Variants in INO80 observed in about 807,000 individuals in gnomAD.
INO80 encodes the protein INO80 complex ATPase subunit.
Under a neutral mutation model 203.4 loss-of-function variants are expected in INO80, and 20 were observed. The ratio of observed to expected loss-of-function variants is 0.10; its 90% CI spans 0.07 to 0.14. The LOEUF (loss-of-function observed/expected upper bound fraction) is 0.14, where lower values mean the gene tolerates loss of function less well. INO80 is among the 10% of genes least tolerant of loss of function. INO80 has a pLI of 1.00. For missense variants in INO80, 1,419 were observed against 1,914.4 expected, an observed-to-expected ratio of 0.74 and a Z score of 4.83; for synonymous variants, 726 against 685.2, an observed-to-expected ratio of 1.06 and a Z score of -0.93.
At position 40,998,950 on chromosome 15, in the gene INO80, C is replaced by T. The variant is rs191950483; in HGVS notation, c.3498-1349G>A. Among the ~76,000 whole-genome samples the T allele has an allele frequency of 2.8e-3, 416 of 149,476 alleles. 3 individuals are homozygous for T. The highest frequency in any genetic ancestry group is 0.013 in the South Asian group (61 of 4,694). ...GATTCCAGGCGTGAGCCACTGTGCC[C>T]GGCAGAACAGGCTTTTGACTCTAAG... On this transcript the variant is annotated intron_variant, in intron 28 of 35. Coordinates refer to ENST00000648947, the MANE Select transcript of INO80 (RefSeq NM_017553.3).
intron 27 of INO80, among the ~76,000 whole-genome samples, chr15:41,011,268 A>G (rs1450925067): frequency 2.0e-5 from 3 of 152,228 alleles, no homozygotes; most frequent in African/African-American, 7.2e-5. Flanking sequence ...AGAGTGACTC[A>G]GTTAGAAATA....
chr15:41,107,766 C>T lies in INO80; in HGVS notation c.-44+8207G>A, dbSNP rs539795394. On this transcript the variant is annotated intron_variant, in intron 1 of 35. Transcript: ENST00000648947. Reference sequence around the variant, plus strand: ...AGTGAGCTGAGACCATGCCACTGCACTTCAGCCTGGGCAACAGAGCGAGAC... The same window carrying T: ...AGTGAGCTGAGACCATGCCACTGCATTTCAGCCTGGGCAACAGAGCGAGAC... Among the ~76,000 whole-genome samples, 4 of 152,098 alleles carry T rather than the reference C, an allele frequency of 2.6e-5. No homozygotes were observed. In the South Asian group the frequency reaches 8.3e-4, roughly 32 times the overall value.
chr15:41,078,247 G>C (rs892462533), intron 9 of INO80, among the ~76,000 whole-genome samples: 4 of 152,060 alleles, frequency 2.6e-5, no homozygotes. Context: ...ATGATTAAAT[G>C]AACGAAGTAG....
At chr15:41,038,054 G>A (rs796444343) in intron 24 of INO80, among the ~76,000 whole-genome samples, 28 of 112,006 alleles carry the variant, frequency 2.5e-4, no homozygotes, top group Admixed American at 1.3e-3. Flanking sequence ...TTGCTTTGTC[G>A]TCCAGGCTGG....
At chr15:41,065,106 T>TAAA (rs1217123161) in intron 14 of INO80, among the ~76,000 whole-genome samples, 2 of 152,170 alleles carry the variant, frequency 1.3e-5, no homozygotes, top group Non-Finnish European at 2.9e-5. Flanking sequence ...TCAATAATTT[T>TAAA]AAAAAGTAAA....
At chr15:41,000,694 G>A (rs1471099667) in intron 28 of INO80, among the ~76,000 whole-genome samples, 1 of 132,208 alleles carries the variant, frequency 7.6e-6, no homozygotes, top group Non-Finnish European at 1.6e-5. Context: ...GTGACAGAGT[G>A]GCACCCTGTC....
intron 35 of INO80, 34 bp from the exon 36 acceptor site, chr15:40,980,474 C>T: frequency 1.3e-6 from 2 of 1,531,894 alleles, no homozygotes; most frequent in Non-Finnish European, 1.8e-6. Context: ...AACGTAAGCA[C>T]CAGTCCCGCG....
chr15:40,981,271 C>T (rs985999283), intron 35 of INO80, among the ~76,000 whole-genome samples: 11 of 152,168 alleles, frequency 7.2e-5, no homozygotes. Flanking sequence ...TGCTGCTCTA[C>T]CCCCTCTATC....
intron 24 of INO80, among the ~76,000 whole-genome samples, chr15:41,041,834 C>CTTT (rs35077430): frequency 1.2e-4 from 15 of 123,734 alleles, no homozygotes; most frequent in East Asian, 4.8e-4. Flanking sequence ...GAAAGATTTC[C>CTTT]TTTTTTTTTT....
chr15:41,017,884 A>T (rs988032128), intron 26 of INO80: 1 of 152,184 alleles, frequency 6.6e-6, no homozygotes, highest in Non-Finnish European at 1.5e-5. Flanking sequence ...TGCAGCTGGG[A>T]CAGAATTGAC....
At chr15:41,029,025 T>C (rs1327779167) in intron 24 of INO80, among the ~76,000 whole-genome samples, 15 of 152,224 alleles carry the variant, frequency 9.9e-5, no homozygotes. Flanking sequence ...TGTTATTCGT[T>C]TTATCTTTGG....
intron 24 of INO80, among the ~76,000 whole-genome samples, chr15:41,038,076 A>ATGATCTCAG (rs2044610241): frequency 8.1e-6 from 1 of 123,408 alleles, no homozygotes; most frequent in African/African-American, 3.2e-5. Context: ...GTGCAGTGGC[A>ATGATCTCAG]TGATCTCAGC....
chr15:41,091,751 T>C (rs916657355), intron 5 of INO80, among the ~76,000 whole-genome samples: 1 of 150,624 alleles, frequency 6.6e-6, no homozygotes, highest in Non-Finnish European at 1.5e-5. Context: ...GCCTCTGGGT[T>C]CGAGCAATTC....
chr15:41,018,185 G>A (rs1019504366), intron 26 of INO80: 16 of 151,532 alleles, frequency 1.1e-4, no homozygotes, highest in African/African-American at 3.1e-4. Flanking sequence ...AGCTAAGTTC[G>A]TAAGATTTCT....
At position 41,042,676 on chromosome 15, in the gene INO80, G is replaced by A. The variant is rs140943361; in HGVS notation, c.2907+2228C>T. Among the ~76,000 whole-genome samples, 327 of 150,824 alleles carry A rather than the reference G, an allele frequency of 2.2e-3. 2 individuals carry two copies. Among genetic ancestry groups the A allele is most frequent in the African/African-American group, 7.5e-3 (307 of 41,066 alleles). On this transcript the variant is annotated intron_variant, in intron 24 of 35. Transcript: ENST00000648947. ...TTTAGTAGATGTGGGGTTTCACTAC[G>A]TTGGCCAGGCTGGTCTTGAACTCCT...
chr15:41,012,871 C>T (rs2044152717), intron 27 of INO80, among the ~76,000 whole-genome samples: 1 of 152,048 alleles, frequency 6.6e-6, no homozygotes, highest in Non-Finnish European at 1.5e-5. Context: ...CTGATATATA[C>T]ACAAGAAATT....
At chr15:41,111,159 A>G (rs2140714963) in intron 1 of INO80, among the ~76,000 whole-genome samples, 1 of 152,336 alleles carries the variant, frequency 6.6e-6, no homozygotes, top group South Asian at 2.1e-4. Context: ...TTAAAAAATA[A>G]AATAGGCCAG....
rs115566859 is a variant in INO80, at chr15:40,997,400, T to G, written c.3570+129A>C. The stretch of plus-strand genomic sequence containing the variant: ...TCTTTTAACACAAGAGGCAAAGAAA[T>G]AAAAAGTTTGCAAGTTTGTGACACA... On this transcript the variant is annotated intron_variant, in intron 29 of 35. Coordinates refer to ENST00000648947, the MANE Select transcript of INO80 (RefSeq NM_017553.3). The G allele has an allele frequency of 2.0e-4, 125 of 637,656 alleles. No individual in the cohort carries two copies. In the African/African-American group the frequency reaches 2.1e-3, roughly 11 times the overall value. 39.5% of individuals were successfully genotyped at this position (637,656 alleles called of 1,614,324 possible).
At chr15:40,980,476 A>C in intron 35 of INO80, 36 bp from the exon 36 acceptor site, 1 of 1,518,788 alleles carries the variant, frequency 6.6e-7, no homozygotes, top group African/African-American at 1.4e-5. Flanking sequence ...CGTAAGCACC[A>C]GTCCCGCGTA....
Sources: allele counts gnomAD v4.1 joint callset (sites outside exome capture counted in the v4.1 genomes callset), GRCh38; gene constraint gnomAD v4.1.1; transcripts MANE v1.5; gene names NCBI Gene and HGNC (gene_info 2026-07-23, HGNC 2026-07-21).